The following FAXDC2 variants were observed in gnomAD, a reference collection of about 807,000 sequenced individuals.
The protein encoded by FAXDC2 is fatty acid hydroxylase domain containing 2.
A neutral mutation model predicts 40.9 loss-of-function variants in FAXDC2; 41 were observed. That is an observed-to-expected ratio of 1.00 (90% CI 0.78 to 1.30). FAXDC2 has a LOEUF of 1.30. FAXDC2 is among the 50% of genes most tolerant of loss of function. The pLI is 0.00. For missense variants in FAXDC2, 390 were observed against 408.8 expected, an observed-to-expected ratio of 0.95 and a Z score of 0.40; for synonymous variants, 157 against 149.3, an observed-to-expected ratio of 1.05 and a Z score of -0.38.
intron 1 of FAXDC2, among the ~76,000 whole-genome samples, chr5:154,844,191 C>T (rs1341964286): frequency 6.6e-6 from 1 of 151,126 alleles, no homozygotes; most frequent in African/African-American, 2.4e-5. Context: ...GCACTCCAGC[C>T]TAGGCAACAG....
At chr5:154,841,947 A>T (rs1388371511) in intron 1 of FAXDC2, among the ~76,000 whole-genome samples, 1 of 152,094 alleles carries the variant, frequency 6.6e-6, no homozygotes, top group Admixed American at 6.5e-5. Context: ...CATGTTGGCC[A>T]GACCAGTCTC....
At chr5:154,824,478 C>T (rs1227240922) in intron 5 of FAXDC2, 2 of 702,418 alleles carry the variant, frequency 2.8e-6, no homozygotes, top group Admixed American at 4.0e-5. Context: ...CCAGCCTTTC[C>T]AGGCACTGCA....
chr5:154,826,528 A>T (rs1382426732), intron 5 of FAXDC2, among the ~76,000 whole-genome samples: 2 of 106,732 alleles, frequency 1.9e-5, no homozygotes, highest in South Asian at 2.8e-4. Flanking sequence ...GACTGTCTCT[A>T]AAAAAAAAAA....
At chr5:154,838,086 C>T (rs1285697446) in intron 2 of FAXDC2, 45 bp downstream of exon 2, 1 of 1,324,804 alleles carries the variant, frequency 7.5e-7, no homozygotes, top group Middle Eastern at 1.8e-4. Context: ...CAAAGAGCCA[C>T]TGACTACATT....
chr5:154,823,647 C>T, intron 5 of FAXDC2, 55 bp from the exon 6 acceptor site: 1 of 1,433,326 alleles, frequency 7.0e-7, no homozygotes, highest in Non-Finnish European at 9.8e-7. Flanking sequence ...GTAGGCTCCA[C>T]CGTGACCTGC....
At chr5:154,846,663 G>A (rs1230463429) in intron 1 of FAXDC2, among the ~76,000 whole-genome samples, 2 of 151,970 alleles carry the variant, frequency 1.3e-5, no homozygotes, top group African/African-American at 2.4e-5. Context: ...AGGATTACAG[G>A]CATGAGCCAC....
chr5:154,832,186 A>G (rs531344709), intron 4 of FAXDC2, among the ~76,000 whole-genome samples: 39 of 149,712 alleles, frequency 2.6e-4, no homozygotes, highest in African/African-American at 9.6e-4. Context: ...CCTGATTTTT[A>G]TTTTTAACAA....
At chr5:154,846,182 T>C (rs1760595186) in intron 1 of FAXDC2, among the ~76,000 whole-genome samples, 1 of 151,754 alleles carries the variant, frequency 6.6e-6, no homozygotes, top group African/African-American at 2.4e-5. Flanking sequence ...TACATTGATG[T>C]TGAAGAGCAC....
intron 5 of FAXDC2, among the ~76,000 whole-genome samples, chr5:154,827,421 TTGTGTGTGTGTGTGTGTGTG>T (rs10528622): frequency 2.9e-5 from 4 of 138,686 alleles, no homozygotes; most frequent in East Asian, 2.1e-4. Flanking sequence ...TTCTGTTATT[TTGTGTGTGTGTGTGTGTGTG>T]TGTGTGTGTG....
At chr5:154,824,882 A>C (rs1759982220) in intron 5 of FAXDC2, among the ~76,000 whole-genome samples, 3 of 151,884 alleles carry the variant, frequency 2.0e-5, no homozygotes, top group Non-Finnish European at 1.5e-5. Context: ...TGAGGCCAGG[A>C]ATTTGAGAGC....
intron 1 of FAXDC2, among the ~76,000 whole-genome samples, chr5:154,849,706 C>T (rs141295372): frequency 0.01 from 1,554 of 152,308 alleles, 22 homozygotes; most frequent in African/African-American, 0.034. Context: ...GTATATCCCA[C>T]TCAAAGAAAT....
At chr5:154,849,345 T>C (rs1282416052) in intron 1 of FAXDC2, among the ~76,000 whole-genome samples, 3 of 152,066 alleles carry the variant, frequency 2.0e-5, no homozygotes. Flanking sequence ...ATGATTCCCA[T>C]GGGCCAGTTT....
At position 154,820,474 on chromosome 5, in the gene FAXDC2, T is replaced by C. The variant is rs2113115547; in HGVS notation, c.846-2A>G. 1 of 1,607,264 alleles carries C rather than the reference T, an allele frequency of 6.2e-7. No homozygotes were observed. Among genetic ancestry groups the C allele is most frequent in the South Asian group, 1.1e-5 (1 of 90,102 alleles). ...AGCACCCCATAGCACTGGTTGAACCTAGAAGAGAGAGGACGGCACTGCAGT... is the reference window on the plus strand; with the variant it reads ...AGCACCCCATAGCACTGGTTGAACCCAGAAGAGAGAGGACGGCACTGCAGT... On this transcript the variant is annotated splice_acceptor_variant, in intron 8 of 8. Transcript: ENST00000326080. LOFTEE classifies it high-confidence loss of function.
chr5:154,826,796 T>C (rs1408109072), intron 5 of FAXDC2, among the ~76,000 whole-genome samples: 1 of 152,074 alleles, frequency 6.6e-6, no homozygotes, highest in Non-Finnish European at 1.5e-5. Context: ...AGATGCAGGC[T>C]AAAGGATTTA....
In FAXDC2 at chr5:154,821,344, G is replaced by T. The variant is rs1759884165; in HGVS notation, c.761C>A (p.Ala254Asp). The T allele has an allele frequency of 6.2e-7, 1 of 1,610,730 alleles. No individual in the cohort carries two copies. The highest frequency in any genetic ancestry group is 1.1e-5 in the South Asian group (1 of 90,726). Residue 254 changes from alanine to aspartate, a missense_variant, in exon 8 of 9, where the codon GCC (alanine) becomes GAC (aspartate). Transcript: ENST00000326080. The stretch of plus-strand genomic sequence containing the variant: ...GTGGGAGATGGTGGTGATGATGAGG[G>T]CCAAGGAAAACCACATGGTGATGGA... ...LSSITMWFSL[A>D]LIITTISHCG...
At chr5:154,821,671 G>A (rs1344571295) in intron 7 of FAXDC2, among the ~76,000 whole-genome samples, 1 of 152,208 alleles carries the variant, frequency 6.6e-6, no homozygotes, top group Admixed American at 6.5e-5. Flanking sequence ...GAGGAGCCAG[G>A]TGTGGTGATT....
intron 4 of FAXDC2, among the ~76,000 whole-genome samples, 164 bp downstream of exon 4, chr5:154,834,461 C>T (rs1256391217): frequency 2.6e-5 from 4 of 152,100 alleles, no homozygotes; most frequent in Admixed American, 1.3e-4. Context: ...TTCAGACTGC[C>T]CACAAGTTTA....
chr5:154,842,567 G>T (rs1433583873), intron 1 of FAXDC2, among the ~76,000 whole-genome samples: 2 of 116,708 alleles, frequency 1.7e-5, no homozygotes, highest in Non-Finnish European at 3.3e-5. Flanking sequence ...CTGTCACCCA[G>T]GCTGGAGTGC....
chr5:154,825,664 A>AAAAAAAAAAAAAAG, intron 5 of FAXDC2, among the ~76,000 whole-genome samples: 1 of 147,392 alleles, frequency 6.8e-6, no homozygotes, highest in Non-Finnish European at 1.5e-5. Context: ...AAAAAAAAAA[A>AAAAAAAAAAAAAAG]AAAAGCAGTA....
Sources: gnomAD v4.1 joint callset for allele counts (sites outside exome capture counted in the v4.1 genomes callset) on GRCh38, gnomAD v4.1.1 for gene constraint, MANE v1.5 for transcripts, NCBI Gene and HGNC (gene_info 2026-07-23, HGNC 2026-07-21) for gene names.